Variants in RIMS1 observed in about 807,000 individuals in gnomAD.
RIMS1 encodes the protein regulating synaptic membrane exocytosis protein 1.
A neutral mutation model predicts 214.1 loss-of-function variants in RIMS1; 83 were observed. That is an observed-to-expected ratio of 0.39 (90% confidence interval 0.32 to 0.47). The LOEUF is 0.47. Among genes scored for constraint, RIMS1 ranks in the 20% least tolerant of loss-of-function variants. The probability of loss-of-function intolerance (pLI) is 0.99; values close to 1 mark genes in which losing one functional copy is unlikely to be tolerated. For missense variants in RIMS1, 2,050 were observed against 2,161.8 expected, an observed-to-expected ratio of 0.95 and a Z score of 1.03; for synonymous variants, 793 against 786.8, an observed-to-expected ratio of 1.01 and a Z score of -0.13.
chr6:72,152,057 A>G (rs1336601807), intron 4 of RIMS1, among the ~76,000 whole-genome samples: 1 of 152,164 alleles, frequency 6.6e-6, no homozygotes, highest in African/African-American at 2.4e-5. Flanking sequence ...GGCACCAAGC[A>G]TTACTGAGAG....
intron 16 of RIMS1, among the ~76,000 whole-genome samples, chr6:72,256,172 T>G (rs2075771001): frequency 1.3e-5 from 2 of 152,128 alleles, no homozygotes; most frequent in Admixed American, 1.3e-4. Context: ...AACTTTTTCT[T>G]TGTAAAATGC....
At chr6:72,017,392 T>C (rs1813117953) in intron 2 of RIMS1, among the ~76,000 whole-genome samples, 1 of 152,220 alleles carries the variant, frequency 6.6e-6, no homozygotes, top group African/African-American at 2.4e-5. Context: ...TGAGATGGTA[T>C]ACAGTGCCTC....
chr6:71,898,699 A>G (rs954208034), intron 1 of RIMS1, among the ~76,000 whole-genome samples: 1 of 152,160 alleles, frequency 6.6e-6, no homozygotes, highest in African/African-American at 2.4e-5. Context: ...TCAACTGATA[A>G]GAGTTGGCAG....
intron 33 of RIMS1, among the ~76,000 whole-genome samples, chr6:72,400,091 G>T (rs2098824015): frequency 6.6e-6 from 1 of 152,032 alleles, no homozygotes; most frequent in African/African-American, 2.4e-5. Context: ...TACTGAGTTG[G>T]ATTGCTCATC....
In RIMS1 at chr6:72,182,480, G is replaced by A. The variant is rs568357069; in HGVS notation, c.1009G>A (p.Gly337Ser). The change falls in exon 6 of 34, where the codon GGC becomes AGC. Residue 337 changes from glycine to serine, a missense_variant. Physicochemically the swap from Gly to Ser is moderately conservative, Grantham distance 56. Coordinates refer to ENST00000521978, the MANE Select transcript of RIMS1 (RefSeq NM_014989.7). ...AGACACGCCGGAAAAACGGGATGAG[G>A]GCAAAGCGGCGGATGAGGAAAAGCA... ...YPDTPEKRDEGKAADEEKQRK... is the reference protein window; with the variant it reads ...YPDTPEKRDESKAADEEKQRK... The A allele has an allele frequency of 3.2e-5, 52 of 1,612,460 alleles. No individual in the cohort carries two copies. The highest frequency in any genetic ancestry group is 4.2e-5 in the Non-Finnish European group (49 of 1,179,186).
chr6:72,390,847 G>C, intron 30 of RIMS1, 111 bp downstream of exon 30: 2 of 1,345,092 alleles, frequency 1.5e-6, no homozygotes, highest in Non-Finnish European at 2.0e-6. Context: ...TTAATCAGAA[G>C]TTCAACCATC....
chr6:72,288,853 CTT>C (rs1483437443), intron 24 of RIMS1, among the ~76,000 whole-genome samples: 1 of 151,476 alleles, frequency 6.6e-6, no homozygotes, highest in Non-Finnish European at 1.5e-5. Flanking sequence ...GGCAGGAACT[CTT>C]TTATTATTGA....
intron 1 of RIMS1, among the ~76,000 whole-genome samples, chr6:71,932,762 TATC>T (rs1350989472): frequency 6.6e-6 from 1 of 152,134 alleles, no homozygotes; most frequent in Non-Finnish European, 1.5e-5. Context: ...AGGCATGTAT[TATC>T]ATGATCCCAT....
At chr6:71,924,545 G>A (rs1432357392) in intron 1 of RIMS1, among the ~76,000 whole-genome samples, 1 of 150,190 alleles carries the variant, frequency 6.7e-6, no homozygotes, top group Non-Finnish European at 1.5e-5. Flanking sequence ...TGTAATCCCA[G>A]CATTTTGGGA....
intron 1 of RIMS1, among the ~76,000 whole-genome samples, chr6:71,933,381 G>A (rs2150930244): frequency 6.6e-6 from 1 of 151,740 alleles, no homozygotes; most frequent in Middle Eastern, 3.4e-3. Flanking sequence ...GTTGATCTTT[G>A]TATCACAGAG....
At chr6:72,142,925 T>G (rs995856868) in intron 4 of RIMS1, among the ~76,000 whole-genome samples, 2 of 152,184 alleles carry the variant, frequency 1.3e-5, no homozygotes, top group African/African-American at 4.8e-5. Context: ...TACTAATTTA[T>G]TAGAAGTAGA....
chr6:72,273,940 A>G (rs1563381065), intron 22 of RIMS1, among the ~76,000 whole-genome samples: 1 of 152,184 alleles, frequency 6.6e-6, no homozygotes, highest in Non-Finnish European at 1.5e-5. Flanking sequence ...GCCTGGTATC[A>G]CAAAATCATT....
At position 72,012,399 on chromosome 6, in the gene RIMS1, C is replaced by A. The variant is rs187794084; in HGVS notation, c.245+43336C>A. ...AATGTAAATGACGAGTTAATGGGTG[C>A]AGCACACTAACATGGCACATGTATA... is the stretch of plus-strand genomic sequence containing the variant. On this transcript the variant is annotated intron_variant, in intron 2 of 33. Transcript: ENST00000521978. Among the ~76,000 whole-genome samples the A allele has an allele frequency of 3.0e-3, 463 of 152,178 alleles. 5 individuals are homozygous for A. The highest frequency in any genetic ancestry group is 0.01 in the African/African-American group (434 of 41,512).
rs1240303193 is a variant in RIMS1 at position 72,038,271 on chromosome 6, A to G, written c.246-58678A>G. Among the ~76,000 whole-genome samples the G allele has an allele frequency of 3.3e-5, 5 of 151,114 alleles. No homozygotes were observed. The East Asian group carries it at 9.8e-4, about 29-fold the overall frequency. On this transcript the variant is annotated intron_variant, in intron 2 of 33. Coordinates refer to ENST00000521978, the MANE Select transcript of RIMS1 (RefSeq NM_014989.7). ...CAGATATATTAACCACAGTGACGTT[A>G]CAAAGATATTTCTAGAAATGAATAG...
intron 1 of RIMS1, among the ~76,000 whole-genome samples, chr6:71,926,104 T>A (rs566791844): frequency 6.6e-6 from 1 of 152,174 alleles, no homozygotes; most frequent in Admixed American, 6.5e-5. Flanking sequence ...TCTCACTCTG[T>A]CACCAGGCTG....
intron 6 of RIMS1, among the ~76,000 whole-genome samples, chr6:72,189,112 C>A (rs1267481627): frequency 6.6e-6 from 1 of 152,142 alleles, no homozygotes; most frequent in Non-Finnish European, 1.5e-5. Context: ...TGAGTGTTGC[C>A]ACTTCCACTT....
chr6:72,371,661 G>A (rs1048791745), intron 29 of RIMS1, among the ~76,000 whole-genome samples: 30 of 152,162 alleles, frequency 2.0e-4, no homozygotes, highest in African/African-American at 7.2e-4. Flanking sequence ...AGTTTGTTAG[G>A]TCACGTCCTG....
At chr6:72,051,487 T>C (rs1408036135) in intron 2 of RIMS1, among the ~76,000 whole-genome samples, 2 of 152,172 alleles carry the variant, frequency 1.3e-5, no homozygotes, top group Non-Finnish European at 2.9e-5. Flanking sequence ...ATCTGGGTAA[T>C]CTAGCGAGAG....
intron 7 of RIMS1, among the ~76,000 whole-genome samples, chr6:72,235,244 A>C (rs1293557788): frequency 6.6e-6 from 1 of 152,024 alleles, no homozygotes; most frequent in East Asian, 1.9e-4. Context: ...TTTGGAAACT[A>C]TATATTATTA....
Sources: gnomAD v4.1 joint callset for allele counts (sites outside exome capture counted in the v4.1 genomes callset) on GRCh38, gnomAD v4.1.1 for gene constraint, MANE v1.5 for transcripts, NCBI Gene and HGNC (gene_info 2026-07-23, HGNC 2026-07-21) for gene names.